Variants in TRIM25 observed in about 807,000 individuals in gnomAD.
The protein encoded by TRIM25 is E3 ubiquitin/ISG15 ligase TRIM25.
A neutral mutation model predicts 65.2 loss-of-function variants in TRIM25; 45 were observed. The observed-to-expected ratio is 0.69, with a 90% confidence interval of 0.54 to 0.89. The LOEUF (loss-of-function observed/expected upper bound fraction) is 0.89, where lower values mean the gene tolerates loss of function less well. Ranked by LOEUF, TRIM25 falls within the 40% of genes least tolerant of loss-of-function variation. The pLI is 0.00. For missense variants in TRIM25, 714 were observed against 803.7 expected (o/e 0.89, Z 1.35); for synonymous variants, 321 against 340.4 (o/e 0.94, Z 0.63).
Position 56,913,189 on chromosome 17 carries a change from C to A in TRIM25, c.597+203G>T. The A allele has an allele frequency of 2.3e-6, 1 of 431,750 alleles. No individual in the cohort carries two copies. The highest frequency in any genetic ancestry group is 4.2e-5 in the Admixed American group (1 of 23,590). The allele number at this position is 431,750 out of a possible 1,614,324, so 26.7% of individuals were successfully genotyped here. A position where few individuals can be genotyped will look rare whatever the true frequency, so the allele number is the denominator to read the frequency against. On this transcript the variant is annotated intron_variant, in intron 1 of 8. Coordinates refer to ENST00000316881, the MANE Select transcript of TRIM25 (RefSeq NM_005082.5). The surrounding 1 kb of genome is among the most constrained non-coding windows in gnomAD (Gnocchi z 6.1). ...CAGACAATGACAGGATTATGGCAAG[C>A]AACCTAACCTGTCTTCATGGATGAT...
At chr17:56,900,709 T>C (rs542020671) in intron 4 of TRIM25, among the ~76,000 whole-genome samples, 22 of 152,242 alleles carry the variant, frequency 1.4e-4, no homozygotes, top group African/African-American at 4.8e-4. Context: ...TGCAGAGAGA[T>C]GCACCAGAGG....
At chr17:56,894,134 G>A (rs2144348961) in intron 8 of TRIM25, among the ~76,000 whole-genome samples, 2 of 152,348 alleles carry the variant, frequency 1.3e-5, no homozygotes, top group Admixed American at 1.3e-4. Flanking sequence ...TTCCCCAACT[G>A]TCCTCAAAAG....
chr17:56,913,798 TG>T lies in TRIM25; in HGVS notation c.190del (p.His64ThrfsTer48). ...RAVYQARPQL[H>X]KNTVLCNVVE... The stretch of plus-strand genomic sequence containing the variant: ...CACGTTGCACAGCACCGTGTTCTTG[TG>T]CAGCTGCGGTCGCGCCTGGTAGACG... On this transcript the variant is annotated frameshift_variant, in exon 1 of 9. Coordinates refer to ENST00000316881, the MANE Select transcript of TRIM25 (RefSeq NM_005082.5). LOFTEE classifies it high-confidence loss of function. This position sits in a 1 kb window ranked among gnomAD's most constrained non-coding sequence, Gnocchi z 6.1. 6.4e-7 allele frequency: 1 copy of T among 1,560,382 alleles called. No homozygotes were observed. The highest frequency in any genetic ancestry group is 2.3e-5 in the East Asian group (1 of 42,580).
intron 8 of TRIM25, among the ~76,000 whole-genome samples, chr17:56,894,632 T>A (rs888035709): frequency 2.0e-5 from 3 of 152,094 alleles, no homozygotes; most frequent in Non-Finnish European, 2.9e-5. Context: ...GCTAGGTTTG[T>A]TTTTGTGATT....
At chr17:56,912,140 G>A (rs1229702825) in intron 1 of TRIM25, 3 of 152,258 alleles carry the variant, frequency 2.0e-5, no homozygotes, top group Non-Finnish European at 4.4e-5. Flanking sequence ...ACAACACGAA[G>A]ACGGGTCTTG....
chr17:56,888,175 C>G lies in TRIM25; in HGVS notation c.*3525G>C, dbSNP rs1221140249. ...ATTAAACTCAGCCTCCAGTCCCCCGCCCCATAGGTCAGGCTGACTCAAAGC... is the reference window on the plus strand; with the variant it reads ...ATTAAACTCAGCCTCCAGTCCCCCGGCCCATAGGTCAGGCTGACTCAAAGC... On this transcript the variant is annotated 3_prime_UTR_variant, in exon 9 of 9. Transcript: ENST00000316881. 6.6e-6 allele frequency: 1 copy of G among 152,286 alleles called. No homozygotes were observed. The highest frequency in any genetic ancestry group is 2.4e-5 in the African/African-American group (1 of 41,448). 9.4% of individuals were successfully genotyped at this position (152,286 alleles called of 1,614,324 possible). A position where few individuals can be genotyped will look rare whatever the true frequency, so the allele number is the denominator to read the frequency against.
Position 56,908,787 on chromosome 17 carries a change from G to T in TRIM25, c.598-224C>A, listed in dbSNP as rs933750370. ...TTTTCAGAGGACAGTACAGACCAGG[G>T]TTCCAGTCCCAACTCCCAGCTGTGC... On this transcript the variant is annotated intron_variant, in intron 1 of 8. Transcript: ENST00000316881. 3 of 501,086 alleles carry T rather than the reference G, an allele frequency of 6.0e-6. No individual in the cohort carries two copies. In the South Asian group the frequency reaches 7.8e-5, roughly 13 times the overall value. The allele number at this position is 501,086 out of a possible 1,614,324, so 31.0% of individuals were successfully genotyped here.
chr17:56,901,337 A>C, intron 4 of TRIM25, 82 bp downstream of exon 4: 1 of 1,474,892 alleles, frequency 6.8e-7, no homozygotes, highest in East Asian at 2.3e-5. Flanking sequence ...ATCACGCCCC[A>C]ATCTCCCATC....
chr17:56,911,881 G>C (rs1470217270), intron 1 of TRIM25, among the ~76,000 whole-genome samples: 1 of 150,540 alleles, frequency 6.6e-6, no homozygotes, highest in Non-Finnish European at 1.5e-5. Context: ...GACAGAGTAA[G>C]ATCCTGTCTC....
chr17:56,900,365 C>T (rs1044319535), intron 4 of TRIM25, among the ~76,000 whole-genome samples: 4 of 151,976 alleles, frequency 2.6e-5, no homozygotes, highest in African/African-American at 7.3e-5. Flanking sequence ...CCGGCCTGGG[C>T]GACAGAGCAA....
chr17:56,899,003 C>T lies in TRIM25; in HGVS notation c.1153+112G>A, dbSNP rs1308516353. On this transcript the variant is annotated intron_variant, in intron 5 of 8. Coordinates refer to ENST00000316881, the MANE Select transcript of TRIM25 (RefSeq NM_005082.5). ...TGGGGACTGCCACCAACTTCTTTCC[C>T]ACTGAGGTCCAGGCCCCACAGTGAC... 5.5e-6 allele frequency: 7 copies of T among 1,262,092 alleles called. No homozygotes were observed. The Admixed American group carries it at 5.8e-5, about 10-fold the overall frequency. The allele number at this position is 1,262,092 out of a possible 1,614,324, so 78.2% of individuals were successfully genotyped here.
rs1304695823 is a variant in TRIM25, at chr17:56,890,777, G to A, written c.*923C>T. Reference sequence around the variant, plus strand: ...GTAAGAAGGCAGGACACTCTAACACGAGCAAACCCACCAGGCTTCTGTTGA... The same window carrying A: ...GTAAGAAGGCAGGACACTCTAACACAAGCAAACCCACCAGGCTTCTGTTGA... On this transcript the variant is annotated 3_prime_UTR_variant, in exon 9 of 9. Transcript: ENST00000316881. 1 of 456,290 alleles carries A rather than the reference G, an allele frequency of 2.2e-6. No individual in the cohort carries two copies. The highest frequency in any genetic ancestry group is 4.4e-6 in the Non-Finnish European group (1 of 226,940). 28.3% of individuals were successfully genotyped at this position (456,290 alleles called of 1,614,324 possible). A position where few individuals can be genotyped will look rare whatever the true frequency, so the allele number is the denominator to read the frequency against.
chr17:56,911,499 G>T (rs566690442), intron 1 of TRIM25, among the ~76,000 whole-genome samples: 1 of 151,402 alleles, frequency 6.6e-6, no homozygotes, highest in South Asian at 2.1e-4. Context: ...AGAATCGCTT[G>T]AACTCGGGAG....
At chr17:56,910,907 A>G (rs2144364536) in intron 1 of TRIM25, among the ~76,000 whole-genome samples, 1 of 152,348 alleles carries the variant, frequency 6.6e-6, no homozygotes, top group East Asian at 1.9e-4. Flanking sequence ...GACCTGTTAT[A>G]GGACTCAGCA....
rs577060755 is a variant in TRIM25, at chr17:56,913,176, G to A, written c.597+216C>T. On this transcript the variant is annotated intron_variant, in intron 1 of 8. Coordinates refer to ENST00000316881, the MANE Select transcript of TRIM25 (RefSeq NM_005082.5). This position sits in a 1 kb window ranked among gnomAD's most constrained non-coding sequence, Gnocchi z 6.1. ...AAATAAACACCATCAGACAATGACA[G>A]GATTATGGCAAGCAACCTAACCTGT... 4.7e-6 allele frequency: 2 copies of A among 424,858 alleles called. No homozygotes were observed. Among genetic ancestry groups the A allele is most frequent in the African/African-American group, 2.0e-5 (1 of 49,068 alleles). The allele number at this position is 424,858 out of a possible 1,614,324, so 26.3% of individuals were successfully genotyped here.
In TRIM25 at chr17:56,891,557, T is replaced by TCCCCCCCC; in HGVS notation, c.*142_*143insGGGGGGGG. The stretch of plus-strand genomic sequence containing the variant: ...ACCCCTTTCCTGGCTAAATCCCACC[T>TCCCCCCCC]CCCACCCTCCCGCCAGCTCCCCTCC... On this transcript the variant is annotated 3_prime_UTR_variant, in exon 9 of 9. Transcript: ENST00000316881. 3.5e-6 allele frequency: 1 copy of TCCCCCCCC among 283,246 alleles called. No homozygotes were observed. The highest frequency in any genetic ancestry group is 2.7e-5 in the South Asian group (1 of 36,440). The allele number at this position is 283,246 out of a possible 1,614,324, so 17.5% of individuals were successfully genotyped here.
intron 2 of TRIM25, among the ~76,000 whole-genome samples, chr17:56,906,091 T>A (rs1221082130): frequency 1.3e-5 from 2 of 152,276 alleles, no homozygotes; most frequent in Non-Finnish European, 2.9e-5. Context: ...GTTTCACATC[T>A]TGGGTAGCCT....
intron 3 of TRIM25, 132 bp from the exon 4 acceptor site, chr17:56,901,710 G>C: frequency 8.7e-7 from 1 of 1,154,134 alleles, no homozygotes; most frequent in East Asian, 2.4e-5. Context: ...CAAATTACAG[G>C]CCAGAGGTCA....
In TRIM25 at chr17:56,895,422, G is replaced by T. The variant is rs148468374; in HGVS notation, c.1284C>A (p.Ser428Arg). ...TGAGAGATGTTGAGTTCGGATGTGA[G>T]CTGGTGGCTTTGGCTGCAGCTGGGA... ...AGLEAAAKAT[S>R]SHPNSTSLKA... is the part of the protein sequence containing the mutation. Residue 428 changes from serine to arginine, a missense_variant, in exon 8 of 9, where the codon AGC becomes AGA. Physicochemically the swap from Ser to Arg is moderately radical, Grantham distance 110 (BLOSUM62 -1). Transcript: ENST00000316881. The T allele has an allele frequency of 2.3e-4, 364 of 1,614,240 alleles. 1 individual carries two copies. The highest frequency in any genetic ancestry group is 2.8e-4 in the Non-Finnish European group (329 of 1,180,050).
Sources: allele counts gnomAD v4.1 joint callset (sites outside exome capture counted in the v4.1 genomes callset), GRCh38; gene constraint gnomAD v4.1.1; non-coding constraint Gnocchi (gnomAD v3.1); transcripts MANE v1.5; gene names NCBI Gene and HGNC (gene_info 2026-07-23, HGNC 2026-07-21).